The following ILRUN variants were observed in gnomAD, a reference collection of about 807,000 sequenced individuals.
ILRUN encodes the protein inflammation and lipid regulator with UBA-like and NBR1-like domains, also known as protein ILRUN.
ILRUN carries 3 observed loss-of-function variants against 33.8 expected under a neutral mutation model. The ratio of observed to expected loss-of-function variants is 0.09; its 90% CI spans 0.04 to 0.23. The LOEUF (loss-of-function observed/expected upper bound fraction) is 0.23, where lower values mean the gene tolerates loss of function less well. Ranked by LOEUF, ILRUN falls within the 10% of genes least tolerant of loss-of-function variation. ILRUN has a pLI of 1.00. For missense variants in ILRUN, 210 were observed against 375.1 expected (o/e 0.56, Z 3.64); for synonymous variants, 124 against 138.9 (o/e 0.89, Z 0.75).
At chr6:34,653,787 A>G (rs1346779545) in intron 2 of ILRUN, among the ~76,000 whole-genome samples, 1 of 151,910 alleles carries the variant, frequency 6.6e-6, no homozygotes, top group East Asian at 1.9e-4. Context: ...AACCTGGGCA[A>G]CACAGGAAGA....
intron 3 of ILRUN, among the ~76,000 whole-genome samples, chr6:34,636,638 T>C (rs931403097): frequency 6.6e-6 from 1 of 152,190 alleles, no homozygotes; most frequent in Admixed American, 6.5e-5. Flanking sequence ...TTAAGGAATA[T>C]AAACTGTATC....
intron 1 of ILRUN, among the ~76,000 whole-genome samples, chr6:34,660,408 A>T (rs1762865380): frequency 6.6e-6 from 1 of 152,156 alleles, no homozygotes; most frequent in Admixed American, 6.5e-5. Context: ...TCTCTGAACA[A>T]GTGAGAAACT....
intron 1 of ILRUN, among the ~76,000 whole-genome samples, chr6:34,678,188 C>A (rs1327228962): frequency 2.6e-5 from 4 of 151,998 alleles, no homozygotes; most frequent in Non-Finnish European, 4.4e-5. Flanking sequence ...TACAGGTGCC[C>A]ACCACCAGGC....
At chr6:34,601,710 C>CG (rs556146116) in intron 4 of ILRUN, among the ~76,000 whole-genome samples, 1,871 of 148,268 alleles carry the variant, frequency 0.013, 14 homozygotes, top group Non-Finnish European at 0.017. Context: ...TACCCGCCCC[C>CG]CCAACTACTG....
intron 3 of ILRUN, among the ~76,000 whole-genome samples, chr6:34,637,768 G>A (rs1038578982): frequency 4.6e-5 from 7 of 152,200 alleles, no homozygotes; most frequent in African/African-American, 1.7e-4. Context: ...ATGGCCCATA[G>A]AAGGTTCAAG....
chr6:34,683,901 A>G lies in ILRUN; in HGVS notation c.158+12545T>C, dbSNP rs963557591. Among the ~76,000 whole-genome samples, 7 of 152,140 alleles carry G rather than the reference A, an allele frequency of 4.6e-5. No homozygotes were observed. In the East Asian group the frequency reaches 1.4e-3, roughly 29 times the overall value. On this transcript the variant is annotated intron_variant, in intron 1 of 4. Transcript: ENST00000374023. ...AACATGGCAAGACCCTGTCTCTACTAAAAATACAAAAACATAACCGGCCAT... is the reference window on the plus strand; with the variant it reads ...AACATGGCAAGACCCTGTCTCTACTGAAAATACAAAAACATAACCGGCCAT...
At chr6:34,631,691 T>A (rs936946549) in intron 3 of ILRUN, among the ~76,000 whole-genome samples, 18 of 152,030 alleles carry the variant, frequency 1.2e-4, no homozygotes, top group Admixed American at 8.5e-4. Context: ...AAAAGAAGTA[T>A]CTACTCAGAG....
In ILRUN at chr6:34,620,203, G is replaced by T. The variant is rs572050774; in HGVS notation, c.512-13299C>A. 1.2e-3 allele frequency among the ~76,000 whole-genome samples: 176 copies of T among 152,154 alleles called. 1 individual carries two copies. The highest frequency in any genetic ancestry group is 4.1e-3 in the African/African-American group (171 of 41,500). ...TAAATATATTACGTAAATAAGTTTT[G>T]ACTTAGGAATCACAAAATGTTTCAC... On this transcript the variant is annotated intron_variant, in intron 3 of 4. Transcript: ENST00000374023.
intron 3 of ILRUN, among the ~76,000 whole-genome samples, chr6:34,628,633 AC>A (rs1444259338): frequency 4.0e-5 from 6 of 151,022 alleles, no homozygotes; most frequent in Admixed American, 4.0e-4. Context: ...CGCCCGGCCC[AC>A]CTTTTTACAC....
chr6:34,637,766 T>C (rs1399268423), intron 3 of ILRUN, among the ~76,000 whole-genome samples: 5 of 152,144 alleles, frequency 3.3e-5, no homozygotes, highest in Admixed American at 1.3e-4. Context: ...TGATGGCCCA[T>C]AGAAGGTTCA....
chr6:34,674,323 G>A (rs1021467542), intron 1 of ILRUN, among the ~76,000 whole-genome samples: 18 of 152,100 alleles, frequency 1.2e-4, no homozygotes, highest in South Asian at 4.1e-4. Context: ...CACCGCGCCC[G>A]GCCCCCAAAT....
chr6:34,635,432 G>A (rs1762341007), intron 3 of ILRUN, among the ~76,000 whole-genome samples: 1 of 151,934 alleles, frequency 6.6e-6, no homozygotes, highest in Non-Finnish European at 1.5e-5. Flanking sequence ...AGAGGTTGAG[G>A]TGGGAGAATC....
chr6:34,596,490 T>C (rs1294255318), intron 4 of ILRUN, among the ~76,000 whole-genome samples: 1 of 152,104 alleles, frequency 6.6e-6, no homozygotes, highest in East Asian at 1.9e-4. Flanking sequence ...TTTTTGTATT[T>C]TTAGTAGAGA....
intron 1 of ILRUN, chr6:34,696,202 G>A (rs1428487795): frequency 4.1e-6 from 2 of 491,198 alleles, no homozygotes; most frequent in Admixed American, 7.3e-5. Flanking sequence ...AACCTTAGGA[G>A]CTCGCCCCCA....
At chr6:34,651,747 A>ATT (rs1491018526) in intron 2 of ILRUN, among the ~76,000 whole-genome samples, 1,521 of 139,922 alleles carry the variant, frequency 0.011, 28 homozygotes, top group African/African-American at 0.03. Flanking sequence ...AAAAAAAAAA[A>ATT]ATTATATATA....
intron 1 of ILRUN, among the ~76,000 whole-genome samples, chr6:34,682,658 G>C (rs1763392866): frequency 6.6e-6 from 1 of 151,772 alleles, no homozygotes. Flanking sequence ...ATTTTTTGTA[G>C]AGTTGGGGTC....
intron 1 of ILRUN, among the ~76,000 whole-genome samples, chr6:34,664,225 T>A (rs1057183673): frequency 5.9e-5 from 9 of 152,240 alleles, no homozygotes; most frequent in Non-Finnish European, 1.3e-4. Flanking sequence ...AAAACTAATA[T>A]AATGGCTACA....
chr6:34,678,017 C>T (rs1261358435), intron 1 of ILRUN, among the ~76,000 whole-genome samples: 1 of 148,478 alleles, frequency 6.7e-6, no homozygotes, highest in Non-Finnish European at 1.5e-5. Context: ...TGAGAATTGA[C>T]ATATTTAATA....
intron 3 of ILRUN, chr6:34,617,316 A>G (rs1761915631): frequency 3.1e-6 from 1 of 318,242 alleles, no homozygotes; most frequent in Non-Finnish European, 6.1e-6. Context: ...ATGCGCTCTC[A>G]AATTGAAAAA....
Sources: gnomAD v4.1 joint callset for allele counts (sites outside exome capture counted in the v4.1 genomes callset) on GRCh38, gnomAD v4.1.1 for gene constraint, MANE v1.5 for transcripts, NCBI Gene and HGNC (gene_info 2026-07-23, HGNC 2026-07-21) for gene names.